FNBP1L: variants seen among roughly 807,000 people sequenced by gnomAD.
FNBP1L encodes the protein formin-binding protein 1-like.
A neutral mutation model predicts 91.2 loss-of-function variants in FNBP1L; 36 were observed. The ratio of observed to expected loss-of-function variants is 0.39; its 90% CI spans 0.30 to 0.52. The LOEUF is 0.52. Among genes scored for constraint, FNBP1L ranks in the 20% least tolerant of loss-of-function variants. The pLI is 0.66. For missense variants in FNBP1L, 571 were observed against 732.1 expected (o/e 0.78, Z 2.54); for synonymous variants, 242 against 237.0 (o/e 1.02, Z -0.19).
intron 1 of FNBP1L, among the ~76,000 whole-genome samples, chr1:93,478,874 G>T (rs1000002822): frequency 6.6e-6 from 1 of 152,186 alleles, no homozygotes; most frequent in African/African-American, 2.4e-5. Context: ...GTTTAATTCG[G>T]ACTCAGGTCT....
At chr1:93,468,037 A>T (rs1669150981) in intron 1 of FNBP1L, among the ~76,000 whole-genome samples, 1 of 152,138 alleles carries the variant, frequency 6.6e-6, no homozygotes, top group African/African-American at 2.4e-5. Context: ...GTAACCACTG[A>T]TCTTTTTACT....
chr1:93,451,261 A>G (rs550631421), intron 1 of FNBP1L, among the ~76,000 whole-genome samples: 94 of 152,256 alleles, frequency 6.2e-4, no homozygotes, highest in Non-Finnish European at 9.3e-4. Context: ...TTTTGAAATT[A>G]CTAGCTTTTT....
At chr1:93,448,365 C>A in intron 1 of FNBP1L, 60 bp downstream of exon 1, 3 of 1,454,232 alleles carry the variant, frequency 2.1e-6, no homozygotes, top group Non-Finnish European at 2.7e-6. Flanking sequence ...GCGGGTTGGG[C>A]GGGCGCCGCG....
chr1:93,482,757 C>T (rs1002168837), intron 1 of FNBP1L, among the ~76,000 whole-genome samples: 7 of 151,990 alleles, frequency 4.6e-5, no homozygotes, highest in Admixed American at 1.3e-4. Flanking sequence ...TAGTGGCTCA[C>T]GCCTGTAATC....
chr1:93,505,317 C>T (rs184317910), intron 2 of FNBP1L, among the ~76,000 whole-genome samples: 51 of 152,142 alleles, frequency 3.4e-4, no homozygotes, highest in Admixed American at 1.7e-3. Context: ...TACACTCGTG[C>T]CACAAGAGTA....
At chr1:93,448,899 A>C (rs1668378396) in intron 1 of FNBP1L, among the ~76,000 whole-genome samples, 1 of 151,902 alleles carries the variant, frequency 6.6e-6, no homozygotes, top group Non-Finnish European at 1.5e-5. Flanking sequence ...CCACACGCAC[A>C]TTTCTCTCTC....
chr1:93,500,726 A>G (rs1340984915), intron 2 of FNBP1L, among the ~76,000 whole-genome samples: 1 of 151,944 alleles, frequency 6.6e-6, no homozygotes, highest in Non-Finnish European at 1.5e-5. Context: ...AGTGCCTCAT[A>G]TATCCACATA....
At chr1:93,475,364 G>A (rs1199881577) in intron 1 of FNBP1L, among the ~76,000 whole-genome samples, 1 of 151,896 alleles carries the variant, frequency 6.6e-6, no homozygotes, top group Non-Finnish European at 1.5e-5. Context: ...AACGTAGAGA[G>A]ACACCTTCGT....
At chr1:93,474,003 G>C (rs907073023) in intron 1 of FNBP1L, among the ~76,000 whole-genome samples, 4 of 152,204 alleles carry the variant, frequency 2.6e-5, no homozygotes, top group African/African-American at 4.8e-5. Flanking sequence ...CTAGTACTTT[G>C]GGAGGCCGAG....
chr1:93,511,185 A>T (rs1670825710), intron 2 of FNBP1L, among the ~76,000 whole-genome samples: 1 of 152,246 alleles, frequency 6.6e-6, no homozygotes, highest in Non-Finnish European at 1.5e-5. Context: ...GAAGGAAAAA[A>T]TGTTAAGGGC....
chr1:93,552,207 CAGT>C (rs1672436808), intron 16 of FNBP1L, 199 bp from the exon 17 acceptor site: 12 of 1,356,916 alleles, frequency 8.8e-6, no homozygotes, highest in African/African-American at 1.5e-5. Context: ...CACCCTGAGT[CAGT>C]GGTGTGGGGA....
chr1:93,524,677 A>G (rs1448390429), intron 5 of FNBP1L, among the ~76,000 whole-genome samples: 1 of 149,518 alleles, frequency 6.7e-6, no homozygotes, highest in Non-Finnish European at 1.5e-5. Flanking sequence ...TTAGAAGACT[A>G]TTTCCTGAGG....
intron 1 of FNBP1L, among the ~76,000 whole-genome samples, chr1:93,478,146 G>T (rs1431432844): frequency 6.6e-6 from 1 of 152,172 alleles, no homozygotes; most frequent in Non-Finnish European, 1.5e-5. Flanking sequence ...TGAATAGGAG[G>T]AACTTTCCCT....
At chr1:93,507,107 ACTCTCTCTCTCTCTCTCTCTCT>A (rs545137195) in intron 2 of FNBP1L, among the ~76,000 whole-genome samples, 2 of 45,548 alleles carry the variant, frequency 4.4e-5, no homozygotes, top group African/African-American at 9.8e-5. Flanking sequence ...ACACACACAC[ACTCTCTCTCTCTCTCTCTCTCT>A]CTCTCTCTCT....
rs1670774227 is a variant in FNBP1L at position 93,510,074 on chromosome 1, A to G, written c.140+10491A>G. 3.3e-5 allele frequency among the ~76,000 whole-genome samples: 5 copies of G among 152,326 alleles called. No homozygotes were observed. In the South Asian group the frequency reaches 8.3e-4, roughly 25 times the overall value. On this transcript the variant is annotated intron_variant, in intron 2 of 16. Transcript: ENST00000271234. ...TTGCCCAGGCTTGCTTAGGTAAACA[A>G]AGCAGCCAGGAAGCTCAAACTGGGT...
rs967792664 is a variant in FNBP1L, at chr1:93,529,659, A to G, written c.413A>G (p.Lys138Arg). ...MCWKQMDNSK[K>R]KFERECREAE... The stretch of plus-strand genomic sequence containing the variant: ...TTTTAATTTTTTTAACAGAGTAAAA[A>G]GAAGTTTGAAAGAGAATGTAGAGAG... Residue 138 changes from lysine to arginine, a missense_variant, in exon 6 of 17, where the codon AAG becomes AGG. Physicochemically the swap from Lys to Arg is conservative, Grantham distance 26. Coordinates refer to ENST00000271234, the MANE Select transcript of FNBP1L (RefSeq NM_001164473.3). 1 of 1,486,294 alleles carries G rather than the reference A, an allele frequency of 6.7e-7. No individual in the cohort carries two copies. The highest frequency in any genetic ancestry group is 2.9e-5 in the Admixed American group (1 of 34,026). 92.1% of individuals were successfully genotyped at this position (1,486,294 alleles called of 1,614,324 possible). A position where few individuals can be genotyped will look rare whatever the true frequency, so the allele number is the denominator to read the frequency against.
chr1:93,530,321 T>C (rs1671631879), intron 6 of FNBP1L, among the ~76,000 whole-genome samples: 1 of 152,192 alleles, frequency 6.6e-6, no homozygotes, highest in African/African-American at 2.4e-5. Flanking sequence ...TTGGATATAG[T>C]TGGATCATAA....
intron 1 of FNBP1L, among the ~76,000 whole-genome samples, chr1:93,452,663 C>T (rs995306021): frequency 6.6e-6 from 1 of 152,172 alleles, no homozygotes; most frequent in Non-Finnish European, 1.5e-5. Flanking sequence ...CTGTGCTCCA[C>T]AATCGTCCTT....
At chr1:93,550,845 T>A (rs957080918) in intron 15 of FNBP1L, 102 bp from the exon 16 acceptor site, 1 of 1,161,146 alleles carries the variant, frequency 8.6e-7, no homozygotes, top group African/African-American at 1.5e-5. Context: ...TCCAGGTACA[T>A]TGAAATCTAG....
Sources: gnomAD v4.1 joint callset for allele counts (sites outside exome capture counted in the v4.1 genomes callset) on GRCh38, gnomAD v4.1.1 for gene constraint, MANE v1.5 for transcripts, NCBI Gene and HGNC (gene_info 2026-07-23, HGNC 2026-07-21) for gene names.